The following GPM6A variants were observed in gnomAD, a reference collection of about 807,000 sequenced individuals.
GPM6A encodes the protein glycoprotein M6A.
A neutral mutation model predicts 32.1 loss-of-function variants in GPM6A; 7 were observed. The ratio of observed to expected loss-of-function variants is 0.22; its 90% CI spans 0.12 to 0.41. The LOEUF (loss-of-function observed/expected upper bound fraction) is 0.41. Ranked by LOEUF, GPM6A falls within the 10% of genes least tolerant of loss-of-function variation. GPM6A has a pLI of 1.00. For synonymous variants in GPM6A, 130 were observed against 123.4 expected (o/e 1.05, Z -0.35); for missense variants, 235 against 347.2 (o/e 0.68, Z 2.57).
intron 1 of GPM6A, among the ~76,000 whole-genome samples, chr4:175,843,064 G>T (rs1735988200): frequency 6.6e-6 from 1 of 151,474 alleles, no homozygotes; most frequent in Non-Finnish European, 1.5e-5. Context: ...TAGTTAGGTA[G>T]ATATAGCAAA....
chr4:175,727,018 A>G (rs1159849245), intron 1 of GPM6A, among the ~76,000 whole-genome samples: 1 of 152,140 alleles, frequency 6.6e-6, no homozygotes. Context: ...AATAAAACTT[A>G]AAATTTTCTA....
At chr4:175,927,778 C>T (rs879489916) in intron 1 of GPM6A, among the ~76,000 whole-genome samples, 25 of 152,160 alleles carry the variant, frequency 1.6e-4, no homozygotes, top group Middle Eastern at 6.8e-3. Flanking sequence ...CCAGCTACTC[C>T]GGAGGCTGAG....
chr4:175,925,850 CTT>C (rs60669466), intron 1 of GPM6A, among the ~76,000 whole-genome samples: 7 of 135,102 alleles, frequency 5.2e-5, no homozygotes, highest in African/African-American at 8.1e-5. Flanking sequence ...CTTTTCTTTT[CTT>C]TTTTTTTTTT....
chr4:175,685,659 G>A (rs180894749), intron 2 of GPM6A, among the ~76,000 whole-genome samples: 2 of 152,272 alleles, frequency 1.3e-5, no homozygotes, highest in African/African-American at 4.8e-5. Context: ...CAATTATCAT[G>A]TTTTCTGTTT....
At chr4:175,764,325 T>A (rs767041101) in intron 1 of GPM6A, among the ~76,000 whole-genome samples, 4 of 152,220 alleles carry the variant, frequency 2.6e-5, no homozygotes, top group Non-Finnish European at 4.4e-5. Context: ...GATTTATCCA[T>A]GTTGTAGCAT....
chr4:175,742,236 A>G (rs1225786977), intron 1 of GPM6A, among the ~76,000 whole-genome samples: 1 of 152,142 alleles, frequency 6.6e-6, no homozygotes, highest in Non-Finnish European at 1.5e-5. Flanking sequence ...ATATCATCCA[A>G]AATGTAAAAT....
intron 1 of GPM6A, among the ~76,000 whole-genome samples, chr4:175,837,101 G>A (rs1735792353): frequency 6.6e-6 from 1 of 152,074 alleles, no homozygotes; most frequent in Admixed American, 6.6e-5. Flanking sequence ...GAAGAACCAT[G>A]TGACAAATAG....
intron 1 of GPM6A, among the ~76,000 whole-genome samples, chr4:175,938,348 G>A (rs1739303669): frequency 6.6e-6 from 1 of 152,158 alleles, no homozygotes; most frequent in Admixed American, 6.5e-5. Context: ...CACAATGGTT[G>A]AATTAATTAC....
intron 1 of GPM6A, among the ~76,000 whole-genome samples, chr4:175,855,276 T>C (rs1296447325): frequency 6.6e-6 from 1 of 152,184 alleles, no homozygotes; most frequent in Non-Finnish European, 1.5e-5. Flanking sequence ...CAGGCAATAA[T>C]ATTAAAACAG....
intron 1 of GPM6A, among the ~76,000 whole-genome samples, chr4:175,764,084 G>A (rs552930684): frequency 1.3e-5 from 2 of 152,256 alleles, no homozygotes; most frequent in South Asian, 4.1e-4. Context: ...CATTCATGAT[G>A]TTATATAACC....
At chr4:175,801,953 A>G (rs932387575) in intron 1 of GPM6A, among the ~76,000 whole-genome samples, 1 of 152,094 alleles carries the variant, frequency 6.6e-6, no homozygotes, top group Non-Finnish European at 1.5e-5. Context: ...TGTATCATAA[A>G]TCAGTAGCTC....
intron 1 of GPM6A, among the ~76,000 whole-genome samples, chr4:175,704,908 A>T (rs1745089772): frequency 6.6e-6 from 1 of 152,212 alleles, no homozygotes. Context: ...ACAAAATCAG[A>T]ATCAGGATAG....
intron 1 of GPM6A, among the ~76,000 whole-genome samples, chr4:175,943,394 G>C (rs558301272): frequency 3.3e-5 from 5 of 152,238 alleles, no homozygotes; most frequent in African/African-American, 1.2e-4. Flanking sequence ...TGATTGCCCT[G>C]GCCAGAACTT....
chr4:175,812,461 C>G (rs745963666), upstream of GPM6A: 6 of 1,249,636 alleles, frequency 4.8e-6, no homozygotes. Flanking sequence ...ATTACTCTTC[C>G]GTGAAGATTA....
chr4:175,796,293 T>G (rs1391536999), intron 1 of GPM6A, among the ~76,000 whole-genome samples: 5 of 152,150 alleles, frequency 3.3e-5, no homozygotes, highest in Admixed American at 3.3e-4. Context: ...GCTTTTAGCA[T>G]GGACAAGGAG....
intron 1 of GPM6A, among the ~76,000 whole-genome samples, chr4:175,901,168 G>C: frequency 6.6e-6 from 1 of 151,294 alleles, no homozygotes; most frequent in Admixed American, 6.6e-5. Context: ...GGCAGCAGAG[G>C]TGGGGGTGGT....
At chr4:175,762,908 A>G (rs576730019) in intron 1 of GPM6A, among the ~76,000 whole-genome samples, 7 of 152,206 alleles carry the variant, frequency 4.6e-5, no homozygotes, top group Middle Eastern at 3.4e-3. Flanking sequence ...CGGGACTGGG[A>G]GAGAGGGAAG....
chr4:175,761,069 T>G (rs981056659), intron 1 of GPM6A, among the ~76,000 whole-genome samples: 3 of 152,092 alleles, frequency 2.0e-5, no homozygotes, highest in African/African-American at 7.2e-5. Flanking sequence ...TATGTATCAC[T>G]TTGAGAAGCA....
At chr4:175,823,895 G>A (rs1445992822) in intron 1 of GPM6A, among the ~76,000 whole-genome samples, 1 of 152,124 alleles carries the variant, frequency 6.6e-6, no homozygotes, top group African/African-American at 2.4e-5. Flanking sequence ...AAAAAGGCTG[G>A]GAGCCTGGAC....
Sources: allele counts gnomAD v4.1 joint callset (sites outside exome capture counted in the v4.1 genomes callset), GRCh38; gene constraint gnomAD v4.1.1; transcripts MANE v1.5; gene names NCBI Gene and HGNC (gene_info 2026-07-23, HGNC 2026-07-21).